Variants in CTNNA2 observed in about 807,000 individuals in gnomAD.
CTNNA2 encodes the protein catenin alpha-2.
In CTNNA2, 42 loss-of-function variants were observed where a neutral mutation model predicts 101.0. The observed-to-expected ratio is 0.42, with a 90% CI of 0.32 to 0.54. The LOEUF is 0.54. Among genes scored for constraint, CTNNA2 ranks in the 20% least tolerant of loss-of-function variants. The pLI is 0.14. For missense variants in CTNNA2, 871 were observed against 1,223.1 expected (o/e 0.71, Z 4.29); for synonymous variants, 450 against 456.4 (o/e 0.99, Z 0.18).
At chr2:79,490,058 G>A (rs1671194127) in intron 4 of CTNNA2, among the ~76,000 whole-genome samples, 1 of 152,232 alleles carries the variant, frequency 6.6e-6, no homozygotes, top group African/African-American at 2.4e-5. Flanking sequence ...CCTAGTTCTT[G>A]CCAATTTCAT....
At chr2:79,332,887 C>T (rs1676907513) in intron 3 of CTNNA2, among the ~76,000 whole-genome samples, 1 of 152,074 alleles carries the variant, frequency 6.6e-6, no homozygotes, top group South Asian at 2.1e-4. Flanking sequence ...CAAAAATTCA[C>T]TAATGCTCCA....
chr2:79,342,471 T>C (rs1677159568), intron 3 of CTNNA2, among the ~76,000 whole-genome samples: 1 of 152,226 alleles, frequency 6.6e-6, no homozygotes, highest in Non-Finnish European at 1.5e-5. Flanking sequence ...AGATGTTATG[T>C]AATATCTCTT....
At chr2:79,971,425 T>C (rs922121665) in intron 7 of CTNNA2, among the ~76,000 whole-genome samples, 18 of 152,246 alleles carry the variant, frequency 1.2e-4, no homozygotes, top group Admixed American at 1.2e-3. Context: ...GGTCTTTATC[T>C]CCACAGTGCC....
At chr2:80,059,682 G>A (rs996751037) in intron 7 of CTNNA2, among the ~76,000 whole-genome samples, 20 of 152,110 alleles carry the variant, frequency 1.3e-4, no homozygotes, top group Non-Finnish European at 1.8e-4. Context: ...AGACAGTGGC[G>A]GCACCCACAC....
intron 1 of CTNNA2, among the ~76,000 whole-genome samples, chr2:79,649,911 C>A (rs190289400): frequency 6.6e-6 from 1 of 152,060 alleles, no homozygotes; most frequent in South Asian, 2.1e-4. Flanking sequence ...TCTACTAGTG[C>A]CTATTGTGAT....
intron 3 of CTNNA2, among the ~76,000 whole-genome samples, chr2:79,823,328 T>A (rs989690946): frequency 1.3e-5 from 2 of 152,180 alleles, no homozygotes; most frequent in Non-Finnish European, 2.9e-5. Flanking sequence ...GGCTTTAGAT[T>A]TTAAAATCTC....
intron 3 of CTNNA2, among the ~76,000 whole-genome samples, chr2:79,824,060 G>A (rs566179720): frequency 6.6e-6 from 1 of 152,150 alleles, no homozygotes; most frequent in Admixed American, 6.5e-5. Context: ...ATCTTGAAAA[G>A]CATGTAGGGA....
chr2:80,278,201 G>A (rs572768481), intron 7 of CTNNA2, among the ~76,000 whole-genome samples: 8 of 152,132 alleles, frequency 5.3e-5, no homozygotes, highest in South Asian at 2.1e-4. Context: ...TTAAGACAGC[G>A]CCCCAAATAT....
At chr2:80,079,222 T>A (rs1698959122) in intron 7 of CTNNA2, among the ~76,000 whole-genome samples, 1 of 152,128 alleles carries the variant, frequency 6.6e-6, no homozygotes, top group South Asian at 2.1e-4. Context: ...AAAAAGGTAG[T>A]TTCTGCCCTC....
intron 7 of CTNNA2, among the ~76,000 whole-genome samples, chr2:80,123,447 GA>G (rs528984412): frequency 0.097 from 11,861 of 121,662 alleles, 476 homozygotes; most frequent in African/African-American, 0.14. Flanking sequence ...TAGTGGTGCA[GA>G]AAAAAAAAAA....
At chr2:80,626,811 C>G (rs969487790) in intron 18 of CTNNA2, among the ~76,000 whole-genome samples, 2 of 151,932 alleles carry the variant, frequency 1.3e-5, no homozygotes, top group Non-Finnish European at 2.9e-5. Flanking sequence ...GTTTGCTGCA[C>G]CCATCAACCT....
intron 9 of CTNNA2, among the ~76,000 whole-genome samples, chr2:80,479,908 T>A (rs1013770148): frequency 2.0e-5 from 3 of 152,178 alleles, no homozygotes; most frequent in African/African-American, 7.2e-5. Context: ...TTTGTCAACT[T>A]TGGAGAAAGC....
chr2:79,543,384 T>C (rs1673538199), intron 1 of CTNNA2, among the ~76,000 whole-genome samples: 1 of 152,222 alleles, frequency 6.6e-6, no homozygotes, highest in Non-Finnish European at 1.5e-5. Flanking sequence ...AGCATTGTTG[T>C]ACCTTTCTTC....
At chr2:80,289,101 C>T (rs548770431) in intron 7 of CTNNA2, 1 of 152,280 alleles carries the variant, frequency 6.6e-6, no homozygotes, top group East Asian at 1.9e-4. Context: ...TTCCAGAAGT[C>T]TCCATTTCAG....
At chr2:80,146,935 T>TTTTA (rs71386614) in intron 7 of CTNNA2, among the ~76,000 whole-genome samples, 53,586 of 131,044 alleles carry the variant, frequency 0.41, 12,178 homozygotes, top group Non-Finnish European at 0.51. Context: ...GTATTTTGTA[T>TTTTA]TTTATTTATT....
At chr2:79,583,610 T>C (rs1041617540) in intron 1 of CTNNA2, among the ~76,000 whole-genome samples, 5 of 152,152 alleles carry the variant, frequency 3.3e-5, no homozygotes, top group African/African-American at 9.7e-5. Context: ...CGAACTGTTT[T>C]CCAGGGTGGC....
At chr2:79,730,596 A>G (rs1202272629) in intron 2 of CTNNA2, among the ~76,000 whole-genome samples, 2 of 152,048 alleles carry the variant, frequency 1.3e-5, no homozygotes, top group South Asian at 2.1e-4. Flanking sequence ...TCATTTTAGT[A>G]TTAATTCCAG....
At chr2:80,370,994 C>A (rs1573869576) in intron 7 of CTNNA2, among the ~76,000 whole-genome samples, 1 of 152,258 alleles carries the variant, frequency 6.6e-6, no homozygotes, top group East Asian at 1.9e-4. Context: ...ACGATATGAT[C>A]TAATGGTAAG....
At chr2:79,215,947 G>A (rs1323137539) in intron 2 of CTNNA2, among the ~76,000 whole-genome samples, 1 of 152,104 alleles carries the variant, frequency 6.6e-6, no homozygotes, top group African/African-American at 2.4e-5. Flanking sequence ...ACTCAGTGAC[G>A]CTTGGGGTTG....
Sources: allele counts gnomAD v4.1 joint callset (sites outside exome capture counted in the v4.1 genomes callset), GRCh38; gene constraint gnomAD v4.1.1; transcripts MANE v1.5; gene names NCBI Gene and HGNC (gene_info 2026-07-23, HGNC 2026-07-21).